KIF27: variants seen among roughly 807,000 people sequenced by gnomAD.
The protein encoded by KIF27 is kinesin family member 27.
KIF27 carries 84 observed loss-of-function variants against 141.8 expected under a neutral mutation model. That is an observed-to-expected ratio of 0.59 (90% CI 0.50 to 0.71). KIF27 has a LOEUF of 0.71. KIF27 is among the 30% of genes least tolerant of loss of function. The pLI is 0.00. For missense variants in KIF27, 1,306 were observed against 1,628.4 expected, an observed-to-expected ratio of 0.80 and a Z score of 3.41; for synonymous variants, 471 against 569.5, an observed-to-expected ratio of 0.83 and a Z score of 2.46.
chr9:83,882,530 T>C (rs572481978), intron 10 of KIF27, among the ~76,000 whole-genome samples: 45 of 152,352 alleles, frequency 3.0e-4, no homozygotes, highest in African/African-American at 1.0e-3. Context: ...ATTTGGTATG[T>C]ATAGGCCCTC....
Position 83,853,643 on chromosome 9 carries a change from T to C in KIF27, c.3343A>G (p.Arg1115Gly). The C allele has an allele frequency of 1.2e-6, 2 of 1,613,134 alleles. No individual in the cohort carries two copies. The highest frequency in any genetic ancestry group is 1.1e-5 in the South Asian group (1 of 91,056). Residue 1115 changes from arginine to glycine, a missense_variant, in exon 15 of 18, where the codon AGA becomes GGA. Physicochemically the swap from Arg to Gly is moderately radical, Grantham distance 125. Around this residue, in one of 4 missense-constraint regions of KIF27, gnomAD observed 596 missense variants for 751.6 expected, o/e 0.79. Transcript: ENST00000297814. ...SPVEIRTILF[R>G]YFNKVVNLRE... ...CAAAAACAAACCTTATTGAAATATCTGAAAAGAATAGTTCTAATCTCAACA... is the reference window on the plus strand; with the variant it reads ...CAAAAACAAACCTTATTGAAATATCCGAAAAGAATAGTTCTAATCTCAACA...
At chr9:83,905,719 T>G (rs1164863318) in intron 3 of KIF27, among the ~76,000 whole-genome samples, 3 of 152,176 alleles carry the variant, frequency 2.0e-5, no homozygotes, top group African/African-American at 7.2e-5. Context: ...ACCTGGTAGC[T>G]TTATAAAAAG....
Position 83,903,894 on chromosome 9 carries a change from A to C in KIF27, c.624T>G (p.His208Gln). The change falls in exon 4 of 18, where the codon CAT becomes CAG. Residue 208 changes from histidine to glutamine, a missense_variant. Physicochemically the swap from His to Gln is conservative, Grantham distance 24 (BLOSUM62 0). This residue lies in a region of KIF27 where 533 missense variants were observed against 565.6 expected (regional missense o/e 0.94). Transcript: ENST00000297814. Reference sequence around the variant, plus strand: ...GACAAATGCTGATTGTAAAAATTGCATGTGATCTGCTGGAGTGCTCATTCA... The same window carrying C: ...GACAAATGCTGATTGTAAAAATTGCCTGTGATCTGCTGGAGTGCTCATTCA... The part of the protein sequence containing the change: ...TQMNEHSSRS[H>Q]AIFTISICQV... 1 of 1,614,124 alleles carries C rather than the reference A, an allele frequency of 6.2e-7. No homozygotes were observed. Among genetic ancestry groups the C allele is most frequent in the Non-Finnish European group, 8.5e-7 (1 of 1,180,014 alleles).
Position 83,915,572 on chromosome 9 carries a change from T to A in KIF27, c.20A>T (p.Lys7Ile). 3 of 1,604,332 alleles carry A rather than the reference T, an allele frequency of 1.9e-6. No individual in the cohort carries two copies. The highest frequency in any genetic ancestry group is 2.6e-6 in the Non-Finnish European group (3 of 1,175,970). Residue 7 changes from lysine to isoleucine, a missense_variant, in exon 2 of 18, where the codon AAA (lysine) becomes ATA (isoleucine). By Grantham distance (102) the Lys-to-Ile change is moderately radical. This residue lies in a region of KIF27 where 533 missense variants were observed against 565.6 expected (regional missense o/e 0.94). Transcript: ENST00000297814. The part of the protein sequence containing the change: MEEIPV[K>I]VAVRIRPLLC... ...CAGAGGTCTAATTCTTACAGCAACT[T>A]TTACTGGTATTTCTTCCATGGCAAC...
intron 2 of KIF27, among the ~76,000 whole-genome samples, chr9:83,911,961 G>A (rs1346064343): frequency 6.6e-6 from 1 of 152,086 alleles, no homozygotes; most frequent in Admixed American, 6.6e-5. Context: ...GAAAACTTTG[G>A]AAATACTGGT....
intron 2 of KIF27, among the ~76,000 whole-genome samples, chr9:83,911,507 G>A (rs1173805649): frequency 6.6e-6 from 1 of 152,040 alleles, no homozygotes; most frequent in African/African-American, 2.4e-5. Context: ...GAGCTTACAG[G>A]CGTGAGCCAC....
intron 5 of KIF27, among the ~76,000 whole-genome samples, chr9:83,897,645 AAAGATACCACTGAGAGT>A (rs1953410893): frequency 6.6e-6 from 1 of 152,254 alleles, no homozygotes; most frequent in Non-Finnish European, 1.5e-5. Flanking sequence ...ACTCTTCATC[AAAGATACCACTGAGAGT>A]AAAAAGCAAG....
intron 11 of KIF27, among the ~76,000 whole-genome samples, chr9:83,872,224 G>A (rs1276952860): frequency 6.6e-6 from 1 of 152,222 alleles, no homozygotes; most frequent in African/African-American, 2.4e-5. Flanking sequence ...GCTGAGGCAC[G>A]AGAATCGCTT....
At chr9:83,862,325 T>C (rs1370700843) in intron 13 of KIF27, among the ~76,000 whole-genome samples, 1 of 152,194 alleles carries the variant, frequency 6.6e-6, no homozygotes, top group African/African-American at 2.4e-5. Flanking sequence ...CATTTAAGTC[T>C]TTAATCCATC....
chr9:83,855,536 A>G (rs546903658), intron 14 of KIF27, among the ~76,000 whole-genome samples: 36 of 152,346 alleles, frequency 2.4e-4, no homozygotes, highest in African/African-American at 8.7e-4. Flanking sequence ...CCACAAATAA[A>G]AGTGAATTAT....
rs372549064 is a variant in KIF27 at position 83,859,143 on chromosome 9, A to T, written c.3150+13T>A. The stretch of plus-strand genomic sequence containing the variant: ...TCATACAGCACCTCCAGTTCCAAAG[A>T]ATACTGACTTACTTCAGGTGATAAC... On this transcript the variant is annotated intron_variant, in intron 14 of 17. Coordinates refer to ENST00000297814, the MANE Select transcript of KIF27 (RefSeq NM_017576.4). The T allele has an allele frequency of 8.7e-5, 137 of 1,567,360 alleles. 1 individual carries two copies. In the East Asian group the frequency reaches 2.5e-3, roughly 28 times the overall value.
At chr9:83,862,100 A>G (rs946502307) in intron 13 of KIF27, among the ~76,000 whole-genome samples, 2 of 151,890 alleles carry the variant, frequency 1.3e-5, no homozygotes, top group Admixed American at 6.6e-5. Flanking sequence ...AGTAGATTGC[A>G]AAAATTTTCT....
chr9:83,839,873 G>A (rs1404377211), intron 17 of KIF27, among the ~76,000 whole-genome samples: 1 of 152,182 alleles, frequency 6.6e-6, no homozygotes, highest in African/African-American at 2.4e-5. Context: ...AACCTGGGAG[G>A]TGGAGGCTGC....
At chr9:83,886,982 C>T in intron 9 of KIF27, 59 bp downstream of exon 9, 1 of 1,461,840 alleles carries the variant, frequency 6.8e-7, no homozygotes, top group South Asian at 1.6e-5. Flanking sequence ...GTTACCACAT[C>T]AGAAGCAATT....
At chr9:83,860,603 C>A (rs1949785357) in intron 13 of KIF27, among the ~76,000 whole-genome samples, 1 of 152,182 alleles carries the variant, frequency 6.6e-6, no homozygotes, top group Admixed American at 6.5e-5. Context: ...ATAGCTAATT[C>A]TTCTCCAACA....
chr9:83,834,452 A>G lies in KIF27; in HGVS notation c.*2549T>C, dbSNP rs1199940040. On this transcript the variant is annotated 3_prime_UTR_variant, in exon 18 of 18. Coordinates refer to ENST00000297814, the MANE Select transcript of KIF27 (RefSeq NM_017576.4). ...ATATATGTTTAACCAAAAGGAAGAA[A>G]AACACCATACCTTTGTTATTTAGAA... Among the ~76,000 whole-genome samples the G allele has an allele frequency of 1.3e-5, 2 of 152,078 alleles. No individual in the cohort carries two copies. The highest frequency in any genetic ancestry group is 2.9e-5 in the Non-Finnish European group (2 of 67,946).
chr9:83,918,341 G>GGGAGGGAGA (rs1955912738), intron 1 of KIF27, among the ~76,000 whole-genome samples: 1 of 148,366 alleles, frequency 6.7e-6, no homozygotes, highest in Non-Finnish European at 1.5e-5. Flanking sequence ...GGGCAGGACA[G>GGGAGGGAGA]GGAGGGAGAG....
chr9:83,911,915 A>G (rs1955207290), intron 2 of KIF27, among the ~76,000 whole-genome samples: 1 of 152,178 alleles, frequency 6.6e-6, no homozygotes, highest in Non-Finnish European at 1.5e-5. Flanking sequence ...GGGGAGAGCT[A>G]TTGCTTAATG....
At chr9:83,913,900 G>A (rs1221385249) in intron 2 of KIF27, among the ~76,000 whole-genome samples, 1 of 152,042 alleles carries the variant, frequency 6.6e-6, no homozygotes, top group Non-Finnish European at 1.5e-5. Context: ...CATTTCTTAT[G>A]CAACACTTGC....
Sources: gnomAD v4.1 joint callset for allele counts (sites outside exome capture counted in the v4.1 genomes callset) on GRCh38, gnomAD v4.1.1 for gene constraint, gnomAD v4.1.1 regional missense constraint, MANE v1.5 for transcripts, NCBI Gene and HGNC (gene_info 2026-07-23, HGNC 2026-07-21) for gene names.